The following SEMA3A variants were observed in gnomAD, a reference collection of about 807,000 sequenced individuals.
SEMA3A encodes the protein semaphorin 3A.
Under a neutral mutation model 97.9 loss-of-function variants are expected in SEMA3A, and 29 were observed. The observed-to-expected ratio is 0.30, with a 90% confidence interval of 0.22 to 0.40. The LOEUF is 0.40. Among genes scored for constraint, SEMA3A ranks in the 10% least tolerant of loss-of-function variants. The pLI is 1.00. For missense variants in SEMA3A, 763 were observed against 951.3 expected (o/e 0.80, Z 2.60); for synonymous variants, 321 against 323.7 (o/e 0.99, Z 0.09).
intron 3 of SEMA3A, among the ~76,000 whole-genome samples, chr7:84,246,532 C>T (rs2115588299): frequency 6.6e-6 from 1 of 152,218 alleles, no homozygotes; most frequent in South Asian, 2.1e-4. Flanking sequence ...GTTACACAAT[C>T]TCTGAAATAA....
At chr7:84,371,030 A>C (rs1802962026) in intron 2 of SEMA3A, among the ~76,000 whole-genome samples, 1 of 151,496 alleles carries the variant, frequency 6.6e-6, no homozygotes, top group South Asian at 2.1e-4. Flanking sequence ...AGGTATATAG[A>C]TAGGTAATAT....
chr7:84,162,916 AACTTCGATAAGT>A (rs1376380944), intron 1 of SEMA3A, among the ~76,000 whole-genome samples: 1 of 152,190 alleles, frequency 6.6e-6, no homozygotes, highest in Non-Finnish European at 1.5e-5. Context: ...AGACTCTAGA[AACTTCGATAAGT>A]ACCTAGGGAG....
At position 84,003,003 on chromosome 7, in the gene SEMA3A, G is replaced by C. The variant is rs80132498; in HGVS notation, c.1361-957C>G. Among the ~76,000 whole-genome samples the C allele has an allele frequency of 7.2e-3, 1,097 of 152,206 alleles. 10 individuals carry two copies. The highest frequency in any genetic ancestry group is 0.025 in the African/African-American group (1,026 of 41,550). On this transcript the variant is annotated intron_variant, in intron 11 of 16. Coordinates refer to ENST00000265362, the MANE Select transcript of SEMA3A (RefSeq NM_006080.3). ...AAAACTTTTACTCTTCAACCTTCTA[G>C]TTCTGACTAAACTTGATCAAATCTA... is the stretch of plus-strand genomic sequence containing the variant.
Position 83,956,022 on chromosome 7 carries a change from G to A in SEMA3A, c.*5349C>T, listed in dbSNP as rs750496493. 1 of 152,044 alleles carries A rather than the reference G, an allele frequency of 6.6e-6. No homozygotes were observed. The highest frequency in any genetic ancestry group is 1.5e-5 in the Non-Finnish European group (1 of 67,994). 9.4% of individuals were successfully genotyped at this position (152,044 alleles called of 1,614,324 possible). ...TGACAGATTAATACAACGGTGGTGC[G>A]GGGTTGACATATTCAAGATGAAGGT... On this transcript the variant is annotated 3_prime_UTR_variant, in exon 17 of 17. Coordinates refer to ENST00000265362, the MANE Select transcript of SEMA3A (RefSeq NM_006080.3).
intron 3 of SEMA3A, among the ~76,000 whole-genome samples, chr7:84,249,516 G>A (rs561732835): frequency 1.3e-5 from 2 of 152,022 alleles, no homozygotes; most frequent in South Asian, 4.2e-4. Flanking sequence ...CCATGGTGAT[G>A]GGTTAAGATA....
chr7:84,172,318 T>C (rs1041079428), intron 1 of SEMA3A, among the ~76,000 whole-genome samples: 4 of 152,226 alleles, frequency 2.6e-5, no homozygotes, highest in Admixed American at 2.6e-4. Context: ...ACATCTTTTA[T>C]TGACAAAATT....
chr7:84,216,341 A>G (rs1420105192), intron 3 of SEMA3A, among the ~76,000 whole-genome samples: 1 of 152,078 alleles, frequency 6.6e-6, no homozygotes, highest in African/African-American at 2.4e-5. Flanking sequence ...TCCTGACCTC[A>G]TGACCCACCT....
intron 3 of SEMA3A, among the ~76,000 whole-genome samples, chr7:84,213,921 G>A (rs1198117674): frequency 6.6e-6 from 1 of 152,168 alleles, no homozygotes; most frequent in African/African-American, 2.4e-5. Context: ...CCCTCAACAC[G>A]ACATCCAAGT....
At chr7:84,130,496 T>C (rs1369270684) in intron 2 of SEMA3A, among the ~76,000 whole-genome samples, 1 of 152,134 alleles carries the variant, frequency 6.6e-6, no homozygotes, top group Admixed American at 6.5e-5. Flanking sequence ...TCTTATGTGC[T>C]TTCCTTTTCA....
rs531797015 is a variant in SEMA3A, at chr7:84,211,520, C to T, written c.-82-16852G>A. Among the ~76,000 whole-genome samples, 31 of 151,712 alleles carry T rather than the reference C, an allele frequency of 2.0e-4. 1 individual carries two copies. The highest frequency in any genetic ancestry group is 5.2e-4 in the Admixed American group (8 of 15,262). On this transcript the variant is annotated intron_variant, in intron 3 of 3. Transcript: ENST00000424555. ...CCTGTAATCCCAGCTACTCGGGAGG[C>T]TCAGGCAGGGGAACTGCTTGGAACC...
At chr7:84,326,604 T>G (rs2115931798) in intron 2 of SEMA3A, among the ~76,000 whole-genome samples, 1 of 152,194 alleles carries the variant, frequency 6.6e-6, no homozygotes, top group South Asian at 2.1e-4. Context: ...TTGTGAAAAT[T>G]TATGTGGCAT....
chr7:83,979,811 C>T (rs1357416707), intron 14 of SEMA3A, among the ~76,000 whole-genome samples: 1 of 152,080 alleles, frequency 6.6e-6, no homozygotes, highest in African/African-American at 2.4e-5. Flanking sequence ...ATTTTACACT[C>T]AGTCAATGTT....
rs1788481094 is a variant in SEMA3A at position 83,961,776 on chromosome 7, A to G, written c.1911T>C (p.Arg637=). The part of the protein sequence containing the change: ...IIRTDQGLLL[R]SLQQKDSGNY... ...TGCCTGAATCCTTCTGTTGTAGACT[A>G]CGTAGCAGAAGGCCTTGATCTGTCC... is the stretch of plus-strand genomic sequence containing the variant. The change falls in exon 17 of 17, where the codon CGT becomes CGC. Residue 637 remains arginine (R), a synonymous_variant. Coordinates refer to ENST00000265362, the MANE Select transcript of SEMA3A (RefSeq NM_006080.3). 5 of 1,613,948 alleles carry G rather than the reference A, an allele frequency of 3.1e-6. No individual in the cohort carries two copies. In the East Asian group the frequency reaches 1.1e-4, roughly 36 times the overall value.
Position 84,428,905 on chromosome 7 carries a change from C to G in SEMA3A, c.-245-57005G>C, listed in dbSNP as rs375875971. On this transcript the variant is annotated intron_variant, in intron 1 of 3. Transcript: ENST00000424555. The stretch of plus-strand genomic sequence containing the variant: ...GGGAGAAAGGAGCAGAATAAGTGTT[C>G]TCATCTTTATTCCATGGGAATCAAA... Among the ~76,000 whole-genome samples, 13 of 152,162 alleles carry G rather than the reference C, an allele frequency of 8.5e-5. No individual in the cohort carries two copies. The South Asian group carries it at 2.7e-3, about 32-fold the overall frequency.
chr7:84,390,232 T>A (rs1191140539), intron 1 of SEMA3A, among the ~76,000 whole-genome samples: 1 of 151,754 alleles, frequency 6.6e-6, no homozygotes, highest in African/African-American at 2.4e-5. Flanking sequence ...TTAAGACTTG[T>A]AAAATTTCTT....
At chr7:83,977,298 T>G (rs1049891644) in intron 14 of SEMA3A, 102 bp from the exon 15 acceptor site, 60 of 486,674 alleles carry the variant, frequency 1.2e-4, no homozygotes, top group Non-Finnish European at 1.8e-4. Flanking sequence ...ATATATATCA[T>G]AGACTCTAGT....
At chr7:84,159,157 C>A (rs1162932883) in intron 1 of SEMA3A, among the ~76,000 whole-genome samples, 1 of 152,080 alleles carries the variant, frequency 6.6e-6, no homozygotes, top group Non-Finnish European at 1.5e-5. Context: ...CCACCTTCCC[C>A]TCTTTGTAGA....
chr7:84,081,071 T>C (rs1794134007), intron 4 of SEMA3A, among the ~76,000 whole-genome samples: 1 of 151,914 alleles, frequency 6.6e-6, no homozygotes, highest in Admixed American at 6.6e-5. Context: ...TTTAAATAAG[T>C]TGAAGAAAGA....
chr7:84,229,161 CAA>C (rs959322222), intron 3 of SEMA3A, among the ~76,000 whole-genome samples: 1 of 146,472 alleles, frequency 6.8e-6, no homozygotes, highest in Admixed American at 6.8e-5. Context: ...CTAAATTTGG[CAA>C]AAAAAAAAGT....
Sources: gnomAD v4.1 joint callset for allele counts (sites outside exome capture counted in the v4.1 genomes callset) on GRCh38, gnomAD v4.1.1 for gene constraint, MANE v1.5 for transcripts, NCBI Gene and HGNC (gene_info 2026-07-23, HGNC 2026-07-21) for gene names.